MARCHF1: variants seen among roughly 807,000 people sequenced by gnomAD.
MARCHF1 encodes E3 ubiquitin-protein ligase MARCHF1.
MARCHF1 carries 40 observed loss-of-function variants against 54.2 expected under a neutral mutation model. The ratio of observed to expected loss-of-function variants is 0.74; its 90% CI spans 0.57 to 0.96. The LOEUF is 0.96. MARCHF1 is among the 40% of genes least tolerant of loss of function. The pLI is 0.00. For synonymous variants in MARCHF1, 236 were observed against 236.3 expected, an observed-to-expected ratio of 1.00 and a Z score of 0.01; for missense variants, 586 against 656.5, an observed-to-expected ratio of 0.89 and a Z score of 1.17.
In MARCHF1 at chr4:164,312,319, C is replaced by CTTTT. The variant is rs34613860; in HGVS notation, c.-323+71547_-323+71550dup. 5.4e-3 allele frequency among the ~76,000 whole-genome samples: 555 copies of CTTTT among 103,394 alleles called. 11 individuals are homozygous for CTTTT. The highest frequency in any genetic ancestry group is 0.013 in the African/African-American group (367 of 27,274). The allele number at this position is 103,394 out of a possible 152,430, so 67.8% of individuals were successfully genotyped here. ...AGCACCTGTGAATTATTTTCTTTTTCTTTTTTTTTTTTTTTTTTTTTGAGA... is the reference window on the plus strand; with the variant it reads ...AGCACCTGTGAATTATTTTCTTTTTCTTTTTTTTTTTTTTTTTTTTTTTTTGAGA... On this transcript the variant is annotated intron_variant, in intron 1 of 9. Coordinates refer to ENST00000514618, the MANE Select transcript of MARCHF1 (RefSeq NM_001394959.1).
At chr4:163,602,752 A>G (rs1741013383) in intron 7 of MARCHF1, among the ~76,000 whole-genome samples, 1 of 152,138 alleles carries the variant, frequency 6.6e-6, no homozygotes. Flanking sequence ...AAGACTGAAC[A>G]GCTTATCTTT....
chr4:164,344,708 G>A (rs949962245), intron 1 of MARCHF1, among the ~76,000 whole-genome samples: 3 of 152,038 alleles, frequency 2.0e-5, no homozygotes, highest in African/African-American at 7.2e-5. Flanking sequence ...ACTACTTTTT[G>A]CCCTGTTATG....
In MARCHF1 at chr4:164,248,060, A is replaced by G. The variant is rs115133276; in HGVS notation, c.-323+135810T>C. On this transcript the variant is annotated intron_variant, in intron 1 of 9. Coordinates refer to ENST00000514618, the MANE Select transcript of MARCHF1 (RefSeq NM_001394959.1). ...ATATCACATTCTTAAAGATTATAAA[A>G]TTGAAGTTATTTTCTTACAACCACA... 6.9e-3 allele frequency among the ~76,000 whole-genome samples: 1,049 copies of G among 151,950 alleles called. 12 individuals carry two copies. The highest frequency in any genetic ancestry group is 0.024 in the African/African-American group (1,007 of 41,454).
intron 1 of MARCHF1, among the ~76,000 whole-genome samples, chr4:164,282,413 G>A (rs1734047891): frequency 6.6e-6 from 1 of 150,830 alleles, no homozygotes; most frequent in Non-Finnish European, 1.5e-5. Context: ...GCCACCCACT[G>A]GCATGATCAA....
At position 164,143,699 on chromosome 4, in the gene MARCHF1, T is replaced by C. The variant is rs528764823; in HGVS notation, c.-322-32037A>G. On this transcript the variant is annotated intron_variant, in intron 1 of 9. Coordinates refer to ENST00000514618, the MANE Select transcript of MARCHF1 (RefSeq NM_001394959.1). Reference sequence around the variant, plus strand: ...GCTAAACATGGAAAGGAACAACCGATACCAGCCGCTGCAAAATCATGCCAA... The same window carrying C: ...GCTAAACATGGAAAGGAACAACCGACACCAGCCGCTGCAAAATCATGCCAA... Among the ~76,000 whole-genome samples the C allele has an allele frequency of 7.2e-4, 110 of 152,278 alleles. No homozygotes were observed. In the South Asian group the frequency reaches 7.7e-3, roughly 11 times the overall value.
chr4:163,659,493 G>T (rs1561003394), intron 5 of MARCHF1, among the ~76,000 whole-genome samples: 1 of 152,046 alleles, frequency 6.6e-6, no homozygotes, highest in Non-Finnish European at 1.5e-5. Flanking sequence ...ATAGGCATGG[G>T]CAAAGACTTC....
chr4:164,214,950 G>A (rs1731885496), intron 1 of MARCHF1, among the ~76,000 whole-genome samples: 1 of 152,142 alleles, frequency 6.6e-6, no homozygotes, highest in Non-Finnish European at 1.5e-5. Flanking sequence ...AACCTCAGAT[G>A]GGCAGGCTGT....
At chr4:164,028,143 C>A (rs1027100176) in intron 2 of MARCHF1, among the ~76,000 whole-genome samples, 2 of 152,138 alleles carry the variant, frequency 1.3e-5, no homozygotes, top group Non-Finnish European at 2.9e-5. Flanking sequence ...TTAATTCAGC[C>A]ACTGTAGAAA....
intron 3 of MARCHF1, among the ~76,000 whole-genome samples, chr4:163,866,051 A>G (rs1750040183): frequency 6.6e-6 from 1 of 151,760 alleles, no homozygotes; most frequent in Admixed American, 6.6e-5. Context: ...TAAAAGAGTT[A>G]TATATTTTCT....
intron 8 of MARCHF1, among the ~76,000 whole-genome samples, chr4:163,573,313 A>T (rs1739904937): frequency 6.7e-6 from 1 of 148,634 alleles, no homozygotes. Flanking sequence ...TATTATTATT[A>T]TTATTATTAT....
At position 164,007,345 on chromosome 4, in the gene MARCHF1, CAAAAAAAAAA is replaced by C. The variant is rs56306052; in HGVS notation, c.-247-18646_-247-18637del. Among the ~76,000 whole-genome samples the C allele has an allele frequency of 1.2e-4, 10 of 81,762 alleles. No individual in the cohort carries two copies. The East Asian group carries it at 4.4e-3, about 36-fold the overall frequency. The allele number at this position is 81,762 out of a possible 152,430, so 53.6% of individuals were successfully genotyped here. ...TGGGCGACAGAGCGAGACTCCATCT[CAAAAAAAAAA>C]AAAAAAAAAAAAAAAAGAAAGAAAA... On this transcript the variant is annotated intron_variant, in intron 2 of 9. Coordinates refer to ENST00000514618, the MANE Select transcript of MARCHF1 (RefSeq NM_001394959.1).
chr4:164,381,658 T>C (rs182603761), intron 1 of MARCHF1, among the ~76,000 whole-genome samples: 1 of 152,336 alleles, frequency 6.6e-6, no homozygotes. Flanking sequence ...ACATATTGTA[T>C]GTAAATGTAG....
At chr4:163,772,961 A>T (rs182534867) in intron 4 of MARCHF1, among the ~76,000 whole-genome samples, 29 of 152,296 alleles carry the variant, frequency 1.9e-4, no homozygotes, top group Middle Eastern at 3.4e-3. Context: ...CAAATTTATA[A>T]ATCTGGCTGT....
chr4:163,611,583 T>C (rs1315349135), intron 7 of MARCHF1, among the ~76,000 whole-genome samples: 1 of 152,158 alleles, frequency 6.6e-6, no homozygotes, highest in African/African-American at 2.4e-5. Context: ...TGGATATTCC[T>C]ATAATTCTTT....
chr4:163,944,291 C>T (rs1560830218), intron 3 of MARCHF1, among the ~76,000 whole-genome samples: 2 of 152,010 alleles, frequency 1.3e-5, no homozygotes, highest in African/African-American at 2.4e-5. Flanking sequence ...CAGAAATATG[C>T]CATCTTTTAA....
chr4:164,014,831 A>G (rs1753502259), intron 2 of MARCHF1, among the ~76,000 whole-genome samples: 1 of 152,216 alleles, frequency 6.6e-6, no homozygotes, highest in South Asian at 2.1e-4. Context: ...AGTTAATATA[A>G]CAATTATAAA....
chr4:164,007,786 C>G (rs572143307), intron 2 of MARCHF1, among the ~76,000 whole-genome samples: 1 of 151,168 alleles, frequency 6.6e-6, no homozygotes, highest in African/African-American at 2.4e-5. Flanking sequence ...TTTTTGTAAC[C>G]CTTGTGGTAA....
At chr4:164,046,176 G>T (rs925857672) in intron 2 of MARCHF1, among the ~76,000 whole-genome samples, 2 of 152,236 alleles carry the variant, frequency 1.3e-5, no homozygotes, top group Non-Finnish European at 2.9e-5. Flanking sequence ...AGTATCAAAT[G>T]TTTGGTAATG....
intron 1 of MARCHF1, among the ~76,000 whole-genome samples, chr4:164,303,597 T>C (rs539473945): frequency 6.6e-6 from 1 of 152,312 alleles, no homozygotes; most frequent in Admixed American, 6.5e-5. Context: ...TAAATTACCA[T>C]TCATTTCTAT....
Sources: allele counts gnomAD v4.1 joint callset (sites outside exome capture counted in the v4.1 genomes callset), GRCh38; gene constraint gnomAD v4.1.1; transcripts MANE v1.5; gene names NCBI Gene and HGNC (gene_info 2026-07-23, HGNC 2026-07-21).